NPSR1: variants seen among roughly 807,000 people sequenced by gnomAD.
NPSR1 encodes neuropeptide S receptor 1, also known as neuropeptide S receptor.
In NPSR1, 48 loss-of-function variants were observed where a neutral mutation model predicts 46.9. The observed-to-expected ratio is 1.02, with a 90% CI of 0.81 to 1.30. NPSR1 has a LOEUF of 1.30. Among genes scored for constraint, NPSR1 ranks in the 50% most tolerant of loss-of-function variants. The pLI, the probability that NPSR1 is intolerant of heterozygous loss-of-function variation, is 0.00. For synonymous variants in NPSR1, 176 were observed against 168.1 expected (o/e 1.05, Z -0.36); for missense variants, 450 against 449.5 (o/e 1.00, Z -0.01).
At chr7:34,823,074 G>A (rs1789633455) in intron 4 of NPSR1, among the ~76,000 whole-genome samples, 1 of 152,086 alleles carries the variant, frequency 6.6e-6, no homozygotes, top group East Asian at 1.9e-4. Flanking sequence ...CAAAGGGCAT[G>A]AACAGACTAA....
At chr7:34,658,603 G>A (rs975724060) in intron 1 of NPSR1, 44 bp downstream of exon 1, 2 of 1,566,466 alleles carry the variant, frequency 1.3e-6, no homozygotes, top group Non-Finnish European at 1.8e-6. Flanking sequence ...TTATAACAAT[G>A]AGACTGCTGG....
chr7:34,698,843 T>C (rs323914), intron 2 of NPSR1, among the ~76,000 whole-genome samples: 19,362 of 152,216 alleles, frequency 0.13, 1,314 homozygotes, highest in Middle Eastern at 0.18. Context: ...CTAATGTGTT[T>C]ATTATTGTTT....
intron 2 of NPSR1, among the ~76,000 whole-genome samples, chr7:34,714,648 T>A (rs766650055): frequency 6.6e-6 from 1 of 152,188 alleles, no homozygotes; most frequent in Non-Finnish European, 1.5e-5. Context: ...AGAGCTGGAC[T>A]GTGAGCTCCA....
chr7:34,736,115 T>G (rs1784654799), intron 2 of NPSR1, among the ~76,000 whole-genome samples: 1 of 152,156 alleles, frequency 6.6e-6, no homozygotes, highest in Non-Finnish European at 1.5e-5. Flanking sequence ...ATATTTTGAG[T>G]AAGAATAATT....
intron 4 of NPSR1, among the ~76,000 whole-genome samples, chr7:34,815,752 G>C (rs1256629391): frequency 6.6e-6 from 1 of 151,832 alleles, no homozygotes; most frequent in Non-Finnish European, 1.5e-5. Context: ...AGACAGTGGG[G>C]GCCAATATTC....
At chr7:34,827,950 C>T (rs1451613193) in intron 5 of NPSR1, among the ~76,000 whole-genome samples, 7 of 152,212 alleles carry the variant, frequency 4.6e-5, no homozygotes, top group Non-Finnish European at 8.8e-5. Flanking sequence ...ACTTATTCAA[C>T]ATCAAACAGG....
At chr7:34,811,001 C>T (rs1307865839) in intron 3 of NPSR1, among the ~76,000 whole-genome samples, 1 of 152,160 alleles carries the variant, frequency 6.6e-6, no homozygotes, top group Non-Finnish European at 1.5e-5. Context: ...AGGGTAGGTG[C>T]AGGAGCCAGG....
intron 2 of NPSR1, among the ~76,000 whole-genome samples, chr7:34,739,823 T>C (rs1784854467): frequency 6.6e-6 from 1 of 152,150 alleles, no homozygotes; most frequent in Admixed American, 6.5e-5. Flanking sequence ...GGGGGTGAAA[T>C]GGACTCTGTG....
intron 1 of NPSR1, among the ~76,000 whole-genome samples, chr7:34,671,746 T>G (rs892544164): frequency 6.6e-6 from 1 of 152,192 alleles, no homozygotes; most frequent in Non-Finnish European, 1.5e-5. Flanking sequence ...CCTCCCCTAC[T>G]GTTCTCATCT....
chr7:34,768,948 A>G (rs1562713966), intron 2 of NPSR1, among the ~76,000 whole-genome samples: 1 of 152,154 alleles, frequency 6.6e-6, no homozygotes, highest in South Asian at 2.1e-4. Flanking sequence ...TCCCTAGCAG[A>G]CAGTGGTGCT....
In NPSR1 at chr7:34,688,521, T is replaced by C. The variant is rs76033643; in HGVS notation, c.280+3837T>C. On this transcript the variant is annotated intron_variant, in intron 2 of 8. Transcript: ENST00000360581. ...GAGCTTGAGCACACAAAGAACTCCC[T>C]TTCCACACAAAGAACTTGGTGTAGT... Among the ~76,000 whole-genome samples the C allele has an allele frequency of 5.8e-3, 888 of 152,274 alleles. 8 individuals are homozygous for C. The highest frequency in any genetic ancestry group is 0.034 in the Middle Eastern group (10 of 294).
chr7:34,832,789 C>T (rs892949196), intron 5 of NPSR1, among the ~76,000 whole-genome samples: 2 of 152,110 alleles, frequency 1.3e-5, no homozygotes, highest in Non-Finnish European at 2.9e-5. Context: ...CAATTAAATA[C>T]TGGGGTTGCA....
At chr7:34,733,452 A>G (rs1242940438) in intron 2 of NPSR1, among the ~76,000 whole-genome samples, 1 of 152,028 alleles carries the variant, frequency 6.6e-6, no homozygotes, top group Admixed American at 6.6e-5. Flanking sequence ...AAAAAGAAAA[A>G]ATGAATCCTT....
intron 7 of NPSR1, among the ~76,000 whole-genome samples, chr7:34,847,137 G>A (rs370673940): frequency 3.9e-5 from 6 of 152,144 alleles, no homozygotes; most frequent in East Asian, 3.9e-4. Flanking sequence ...GTCTGGGGTC[G>A]AGAGGGGAAA....
At chr7:34,827,374 A>G in intron 4 of NPSR1, 27 bp from the exon 5 acceptor site, 2 of 1,609,338 alleles carry the variant, frequency 1.2e-6, no homozygotes, top group Non-Finnish European at 1.7e-6. Context: ...CCACATACCC[A>G]GACATTCCTC....
intron 3 of NPSR1, among the ~76,000 whole-genome samples, chr7:34,793,690 G>A (rs542684189): frequency 1.3e-5 from 2 of 152,064 alleles, no homozygotes; most frequent in Non-Finnish European, 2.9e-5. Flanking sequence ...AAATTGAACT[G>A]CCATATGATC....
At position 34,703,465 on chromosome 7, in the gene NPSR1, A is replaced by AT. The variant is rs1203854401; in HGVS notation, c.280+18786dup. Among the ~76,000 whole-genome samples, 5 of 151,988 alleles carry AT rather than the reference A, an allele frequency of 3.3e-5. No homozygotes were observed. In the East Asian group the frequency reaches 9.7e-4, roughly 29 times the overall value. On this transcript the variant is annotated intron_variant, in intron 2 of 8. Transcript: ENST00000360581. ...AGAAGAACCCACACTTGATTGTCTT[A>AT]TTTTTCCCCCTACAATGCCCAGAGC...
intron 2 of NPSR1, among the ~76,000 whole-genome samples, chr7:34,735,663 TC>T (rs1453210819): frequency 6.6e-6 from 1 of 152,242 alleles, no homozygotes; most frequent in African/African-American, 2.4e-5. Flanking sequence ...AACAGTGTTT[TC>T]AAATGTTCAT....
intron 2 of NPSR1, chr7:34,761,037 T>G (rs1786147227): frequency 6.5e-6 from 1 of 152,714 alleles, no homozygotes; most frequent in African/African-American, 2.4e-5. Context: ...GCTAAGATCT[T>G]ACATTATGCA....
Sources: allele counts gnomAD v4.1 joint callset (sites outside exome capture counted in the v4.1 genomes callset), GRCh38; gene constraint gnomAD v4.1.1; transcripts MANE v1.5; gene names NCBI Gene and HGNC (gene_info 2026-07-23, HGNC 2026-07-21).